Variants in NCAM2 observed in about 807,000 individuals in gnomAD.
NCAM2 encodes N-CAM-2.
Under a neutral mutation model 98.1 loss-of-function variants are expected in NCAM2, and 30 were observed. That is an observed-to-expected ratio of 0.31 (90% CI 0.23 to 0.41). The LOEUF (loss-of-function observed/expected upper bound fraction) is 0.41. NCAM2 is among the 10% of genes least tolerant of loss of function. NCAM2 has a pLI of 1.00. For synonymous variants in NCAM2, 368 were observed against 342.4 expected (o/e 1.07, Z -0.83); for missense variants, 867 against 1,005.8 (o/e 0.86, Z 1.87).
chr21:21,384,234 A>G lies in NCAM2; in HGVS notation c.1195+10221A>G, dbSNP rs189361455. Among the ~76,000 whole-genome samples, 6 of 152,106 alleles carry G rather than the reference A, an allele frequency of 3.9e-5. No homozygotes were observed. The East Asian group carries it at 1.2e-3, about 29-fold the overall frequency. ...GCAAAAGAAAATCTTTAAGATCACT[A>G]AACAAATTCTCAAATTTTGTCATGG... On this transcript the variant is annotated intron_variant, in intron 9 of 17. Transcript: ENST00000400546.
At chr21:21,026,855 CTTTT>C (rs752588922) in intron 1 of NCAM2, among the ~76,000 whole-genome samples, 6,370 of 126,704 alleles carry the variant, frequency 0.05, 145 homozygotes, top group East Asian at 0.069. Flanking sequence ...TCTTCTTCTT[CTTTT>C]TTTTTTTTTT....
At chr21:21,514,818 C>T (rs1988618761) in intron 16 of NCAM2, among the ~76,000 whole-genome samples, 1 of 152,006 alleles carries the variant, frequency 6.6e-6, no homozygotes, top group Non-Finnish European at 1.5e-5. Context: ...TCAAATAGGC[C>T]TGTTTCTGTT....
At chr21:21,207,656 T>A (rs1309913216) in intron 1 of NCAM2, among the ~76,000 whole-genome samples, 3 of 152,168 alleles carry the variant, frequency 2.0e-5, no homozygotes, top group Non-Finnish European at 4.4e-5. Flanking sequence ...GTTATGTAGA[T>A]GATTCAGGTA....
At chr21:21,306,217 G>T (rs562202209) in intron 5 of NCAM2, among the ~76,000 whole-genome samples, 2 of 152,266 alleles carry the variant, frequency 1.3e-5, no homozygotes, top group East Asian at 3.9e-4. Flanking sequence ...AATTGGTAAT[G>T]TTAATCAAGT....
intron 5 of NCAM2, among the ~76,000 whole-genome samples, chr21:21,295,587 AC>A (rs1026148330): frequency 6.6e-6 from 1 of 151,768 alleles, no homozygotes; most frequent in Admixed American, 6.6e-5. Flanking sequence ...AGAAAACATC[AC>A]ATATTTTCTC....
chr21:21,518,589 A>G (rs943261901), intron 16 of NCAM2, among the ~76,000 whole-genome samples: 4 of 151,758 alleles, frequency 2.6e-5, no homozygotes, highest in African/African-American at 9.7e-5. Flanking sequence ...TAGAGGCACA[A>G]GATAAAAACA....
At chr21:21,290,290 A>T (rs1046796308) in intron 4 of NCAM2, 5 of 151,994 alleles carry the variant, frequency 3.3e-5, no homozygotes, top group African/African-American at 1.2e-4. Context: ...TAAGTATGAT[A>T]GTGTTCCTCT....
intron 1 of NCAM2, among the ~76,000 whole-genome samples, chr21:21,111,675 G>A (rs1301799170): frequency 6.6e-6 from 1 of 152,100 alleles, no homozygotes; most frequent in African/African-American, 2.4e-5. Context: ...TGGTAGATTT[G>A]GTGGAAGGGG....
intron 1 of NCAM2, among the ~76,000 whole-genome samples, chr21:21,070,285 A>G (rs1568989867): frequency 2.0e-5 from 3 of 150,282 alleles, no homozygotes; most frequent in African/African-American, 7.3e-5. Context: ...ATATATATAT[A>G]TAATCTAATA....
chr21:21,044,759 A>G (rs2064975369), intron 1 of NCAM2, among the ~76,000 whole-genome samples: 1 of 151,930 alleles, frequency 6.6e-6, no homozygotes, highest in South Asian at 2.1e-4. Flanking sequence ...TGAGCCCAGG[A>G]GCTTGAGACC....
At chr21:21,030,163 A>G (rs7275760) in intron 1 of NCAM2, among the ~76,000 whole-genome samples, 29,923 of 151,952 alleles carry the variant, frequency 0.2, 5,555 homozygotes, top group African/African-American at 0.5. Flanking sequence ...CCAGAATACT[A>G]TCCTAAGCAT....
At chr21:21,162,825 C>T (rs1325621902) in intron 1 of NCAM2, among the ~76,000 whole-genome samples, 5 of 152,116 alleles carry the variant, frequency 3.3e-5, no homozygotes, top group Admixed American at 1.3e-4. Context: ...AAGTTGCCAA[C>T]ATCAGCACTG....
intron 1 of NCAM2, among the ~76,000 whole-genome samples, chr21:21,169,677 G>A (rs1338145394): frequency 1.3e-5 from 2 of 152,182 alleles, no homozygotes; most frequent in Non-Finnish European, 2.9e-5. Flanking sequence ...AGCCAGGCAT[G>A]GTGGCTCATG....
intron 9 of NCAM2, among the ~76,000 whole-genome samples, chr21:21,386,589 C>T (rs2076276053): frequency 6.6e-6 from 1 of 152,120 alleles, no homozygotes; most frequent in African/African-American, 2.4e-5. Context: ...TATTGTTAAG[C>T]TGTAGATTTT....
chr21:21,428,497 G>T (rs1254404747), intron 11 of NCAM2, among the ~76,000 whole-genome samples: 5 of 152,168 alleles, frequency 3.3e-5, no homozygotes, highest in African/African-American at 1.2e-4. Context: ...TCTTTACAAA[G>T]ATTGATTTTG....
intron 1 of NCAM2, among the ~76,000 whole-genome samples, chr21:21,201,519 G>A (rs1407800442): frequency 1.3e-5 from 2 of 152,182 alleles, no homozygotes; most frequent in African/African-American, 4.8e-5. Flanking sequence ...TGATATGTTT[G>A]TGTAGTGAAT....
chr21:21,027,129 A>G (rs938954610), intron 1 of NCAM2, among the ~76,000 whole-genome samples: 2 of 152,138 alleles, frequency 1.3e-5, no homozygotes, highest in Admixed American at 1.3e-4. Context: ...AAGTGCTGGG[A>G]TTACAGGCGT....
intron 9 of NCAM2, among the ~76,000 whole-genome samples, chr21:21,386,570 A>G (rs1457293692): frequency 1.3e-5 from 2 of 152,158 alleles, no homozygotes; most frequent in African/African-American, 2.4e-5. Context: ...AGAAAGGTGA[A>G]GAGTCTTTTA....
chr21:21,365,578 C>T (rs1178783062), intron 8 of NCAM2, among the ~76,000 whole-genome samples: 1 of 151,660 alleles, frequency 6.6e-6, no homozygotes. Context: ...AAAACAGAAA[C>T]AGTATCAATA....
Sources: gnomAD v4.1 joint callset for allele counts (sites outside exome capture counted in the v4.1 genomes callset) on GRCh38, gnomAD v4.1.1 for gene constraint, MANE v1.5 for transcripts, NCBI Gene and HGNC (gene_info 2026-07-23, HGNC 2026-07-21) for gene names.